The following C12orf54 variants were observed in gnomAD, a reference collection of about 807,000 sequenced individuals.
The protein encoded by C12orf54 is uncharacterized protein C12orf54.
In C12orf54, 24 loss-of-function variants were observed where a neutral mutation model predicts 26.4. The ratio of observed to expected loss-of-function variants is 0.91; its 90% CI spans 0.66 to 1.28. C12orf54 has a LOEUF of 1.28. Among genes scored for constraint, C12orf54 ranks in the 50% most tolerant of loss-of-function variants. The pLI, the probability that C12orf54 is intolerant of heterozygous loss-of-function variation, is 0.00. For missense variants in C12orf54, 154 were observed against 150.9 expected (o/e 1.02, Z -0.11); for synonymous variants, 54 against 47.0 (o/e 1.15, Z -0.61).
chr12:48,413,396 C>A, the C12orf54 span, among the ~76,000 whole-genome samples: 1 of 152,190 alleles, frequency 6.6e-6, no homozygotes, highest in Non-Finnish European at 1.5e-5. Context: ...GTCTAGCACT[C>A]TTCAACCCCA....
At chr12:48,439,249 C>A in the C12orf54 span, among the ~76,000 whole-genome samples, 2 of 152,160 alleles carry the variant, frequency 1.3e-5, no homozygotes, top group Non-Finnish European at 2.9e-5. Context: ...CAGGAAACAA[C>A]AGGTGCTGGA....
At chr12:48,486,278 G>T in intron 3 of C12orf54, 70 bp downstream of exon 3, 1 of 1,501,846 alleles carries the variant, frequency 6.7e-7, no homozygotes. Flanking sequence ...GAGGAGAAGA[G>T]GTTGTAGACA....
the C12orf54 span, among the ~76,000 whole-genome samples, chr12:48,446,204 A>G: frequency 6.6e-6 from 1 of 152,308 alleles, no homozygotes; most frequent in Middle Eastern, 3.4e-3. Flanking sequence ...GTGAGCTGAC[A>G]TTGTTTTTTA....
chr12:48,486,108 T>C (rs1255822094), intron 2 of C12orf54, 70 bp from the exon 3 acceptor site: 1 of 1,419,966 alleles, frequency 7.0e-7, no homozygotes, highest in Non-Finnish European at 9.9e-7. Flanking sequence ...AGTGATAGAA[T>C]AGAGTTAGGA....
the C12orf54 span, among the ~76,000 whole-genome samples, chr12:48,421,563 C>CCTGTCAGCCAGG: frequency 7.1e-6 from 1 of 141,440 alleles, no homozygotes; most frequent in Admixed American, 7.3e-5. Flanking sequence ...GGAGTCTCAC[C>CCTGTCAGCCAGG]CTGTCAGCCA....
the C12orf54 span, among the ~76,000 whole-genome samples, chr12:48,439,643 A>G: frequency 6.6e-6 from 1 of 152,202 alleles, no homozygotes; most frequent in Admixed American, 6.5e-5. Context: ...AAACTATTGC[A>G]AGGACAAAAA....
chr12:48,434,010 T>C, the C12orf54 span, among the ~76,000 whole-genome samples: 13 of 152,142 alleles, frequency 8.5e-5, no homozygotes, highest in Non-Finnish European at 1.6e-4. Flanking sequence ...TTCCCTTTCC[T>C]ACTCAAAGAA....
At chr12:48,487,597 T>C (rs1231812456) in intron 4 of C12orf54, among the ~76,000 whole-genome samples, 8 of 152,274 alleles carry the variant, frequency 5.3e-5, no homozygotes, top group Middle Eastern at 6.8e-3. Flanking sequence ...CAAAAGACCA[T>C]CCTGTTGAGA....
At chr12:48,472,785 T>G in the C12orf54 span, 1 of 1,614,152 alleles carries the variant, frequency 6.2e-7, no homozygotes, top group Non-Finnish European at 8.5e-7. Context: ...CACAGATGAA[T>G]TTGAAGAACT....
chr12:48,483,409 C>G (rs1247645685), intron 2 of C12orf54, 48 bp downstream of exon 2: 6 of 1,575,528 alleles, frequency 3.8e-6, no homozygotes, highest in Non-Finnish European at 5.2e-6. Flanking sequence ...TTGCTATACT[C>G]TATGGGAGAA....
At chr12:48,485,525 C>T (rs771948260) in intron 2 of C12orf54, among the ~76,000 whole-genome samples, 1 of 152,098 alleles carries the variant, frequency 6.6e-6, no homozygotes, top group African/African-American at 2.4e-5. Context: ...TCAGGATCAG[C>T]GAGCATGGTA....
At chr12:48,435,511 G>A in the C12orf54 span, among the ~76,000 whole-genome samples, 1 of 152,170 alleles carries the variant, frequency 6.6e-6, no homozygotes, top group African/African-American at 2.4e-5. Flanking sequence ...CAGCCAGAGA[G>A]AAAGGTCGGG....
Position 48,483,305 on chromosome 12 carries a change from G to A in C12orf54, c.9G>A (p.Gln3=), listed in dbSNP as rs1311496434. Residue 3 remains glutamine (Q), a synonymous_variant, in exon 2 of 9, where the codon CAG becomes CAA. Coordinates refer to ENST00000548364, the MANE Select transcript of C12orf54 (RefSeq NM_152319.4). Reference sequence around the variant, plus strand: ...TTTCTGTCTGAGAACAAATGGCACAGCATCCCTGCCAGGATCAGGAACAAA... The same window carrying A: ...TTTCTGTCTGAGAACAAATGGCACAACATCCCTGCCAGGATCAGGAACAAA... MA[Q]HPCQDQEQKV... 3 of 1,613,790 alleles carry A rather than the reference G, an allele frequency of 1.9e-6. No individual in the cohort carries two copies. The African/African-American group carries it at 4.0e-5, about 22-fold the overall frequency.
the C12orf54 span, among the ~76,000 whole-genome samples, chr12:48,475,284 A>G: frequency 0.017 from 2,585 of 148,330 alleles, 75 homozygotes; most frequent in African/African-American, 0.058. Flanking sequence ...AGATAAAACC[A>G]CAAAGATGGG....
the C12orf54 span, chr12:48,472,974 A>G: frequency 3.7e-6 from 6 of 1,614,062 alleles, no homozygotes; most frequent in South Asian, 1.1e-5. Flanking sequence ...TAAAGACCTC[A>G]GCACAATAGA....
At chr12:48,444,294 G>A in the C12orf54 span, among the ~76,000 whole-genome samples, 1 of 152,120 alleles carries the variant, frequency 6.6e-6, no homozygotes, top group Non-Finnish European at 1.5e-5. Flanking sequence ...TCACATCATT[G>A]GCAGAAGATG....
the C12orf54 span, among the ~76,000 whole-genome samples, chr12:48,434,772 C>A: frequency 6.6e-6 from 1 of 152,134 alleles, no homozygotes; most frequent in Non-Finnish European, 1.5e-5. Context: ...TCGTCACCAT[C>A]ATCAAAGACC....
chr12:48,459,222 C>A, the C12orf54 span, among the ~76,000 whole-genome samples: 1 of 152,262 alleles, frequency 6.6e-6, no homozygotes, highest in East Asian at 1.9e-4. Flanking sequence ...CAAGCCAGGA[C>A]TTTTAGAGCT....
At chr12:48,471,519 G>A in the C12orf54 span, among the ~76,000 whole-genome samples, 1 of 152,124 alleles carries the variant, frequency 6.6e-6, no homozygotes, top group African/African-American at 2.4e-5. Context: ...TAGTTTTTAT[G>A]TATGGTGAAA....
Sources: gnomAD v4.1 joint callset for allele counts (sites outside exome capture counted in the v4.1 genomes callset) on GRCh38, gnomAD v4.1.1 for gene constraint, MANE v1.5 for transcripts, NCBI Gene and HGNC (gene_info 2026-07-23, HGNC 2026-07-21) for gene names.